Variants in CTNNA3 observed in about 807,000 individuals in gnomAD.
CTNNA3 encodes the protein catenin alpha 3.
A neutral mutation model predicts 95.7 loss-of-function variants in CTNNA3; 76 were observed. The ratio of observed to expected loss-of-function variants is 0.79; its 90% CI spans 0.66 to 0.96. The LOEUF (loss-of-function observed/expected upper bound fraction) is 0.96, where lower values mean the gene tolerates loss of function less well. Among genes scored for constraint, CTNNA3 ranks in the 40% least tolerant of loss-of-function variants. The probability of loss-of-function intolerance (pLI) is 0.00; values close to 1 mark genes in which losing one functional copy is unlikely to be tolerated. For missense variants in CTNNA3, 1,191 were observed against 1,089.8 expected (o/e 1.09, Z -1.31); for synonymous variants, 431 against 374.4 (o/e 1.15, Z -1.74).
intron 9 of CTNNA3, among the ~76,000 whole-genome samples, chr10:66,651,324 G>A (rs772966464): frequency 6.6e-6 from 1 of 152,092 alleles, no homozygotes; most frequent in Non-Finnish European, 1.5e-5. Context: ...AGTGCTGATT[G>A]GGTGCATATA....
intron 15 of CTNNA3, among the ~76,000 whole-genome samples, chr10:66,012,616 C>A (rs955667351): frequency 6.6e-6 from 1 of 152,122 alleles, no homozygotes; most frequent in Non-Finnish European, 1.5e-5. Context: ...TTCACAATCA[C>A]AAATGCCTTT....
chr10:67,649,426 C>A (rs1589532840), intron 1 of CTNNA3, among the ~76,000 whole-genome samples: 1 of 152,112 alleles, frequency 6.6e-6, no homozygotes, highest in African/African-American at 2.4e-5. Context: ...AAAAGGAGTG[C>A]TTTTTAGCCA....
At chr10:67,690,400 T>C (rs1295336115) in intron 1 of CTNNA3, among the ~76,000 whole-genome samples, 1 of 152,218 alleles carries the variant, frequency 6.6e-6, no homozygotes, top group African/African-American at 2.4e-5. Context: ...AGGTTGCCAC[T>C]GCTGGCTCAG....
intron 1 of CTNNA3, among the ~76,000 whole-genome samples, chr10:67,739,302 A>T (rs1841321351): frequency 6.6e-6 from 1 of 152,202 alleles, no homozygotes; most frequent in Non-Finnish European, 1.5e-5. Context: ...AAGAATTTTT[A>T]CCAGGGCAAT....
In CTNNA3 at chr10:67,156,029, T is replaced by C. The variant is rs144695419; in HGVS notation, c.1047+24288A>G. Among the ~76,000 whole-genome samples the C allele has an allele frequency of 1.7e-3, 263 of 152,290 alleles. 4 individuals carry two copies. In the East Asian group the frequency reaches 0.03, roughly 17 times the overall value. ...TCATGATTCATTCTTGGCTAAGTTG[T>C]ATGTTTCTAGACATTCAGCCATTTC... On this transcript the variant is annotated intron_variant, in intron 7 of 17. Transcript: ENST00000433211.
At chr10:67,726,281 A>ATTACATATTATATATGATATTCTC (rs1841215131) in intron 1 of CTNNA3, among the ~76,000 whole-genome samples, 1 of 92,876 alleles carries the variant, frequency 1.1e-5, no homozygotes, top group African/African-American at 5.0e-5. Flanking sequence ...TATATATTAT[A>ATTACATATTATATATGATATTCTC]TTACATATTA....
chr10:67,646,547 T>C (rs1230009182), intron 2 of CTNNA3, among the ~76,000 whole-genome samples: 1 of 152,034 alleles, frequency 6.6e-6, no homozygotes, highest in African/African-American at 2.4e-5. Flanking sequence ...CTTGTAAAAA[T>C]ATATACAAAG....
chr10:66,157,554 TTATC>T (rs2084607448), intron 13 of CTNNA3, among the ~76,000 whole-genome samples: 1 of 151,954 alleles, frequency 6.6e-6, no homozygotes, highest in African/African-American at 2.4e-5. Flanking sequence ...CACACTTTCT[TTATC>T]CATTCATTGA....
intron 7 of CTNNA3, among the ~76,000 whole-genome samples, chr10:66,889,592 G>C (rs1014297938): frequency 3.3e-5 from 5 of 152,188 alleles, no homozygotes; most frequent in Admixed American, 2.6e-4. Flanking sequence ...TGGATTGTAT[G>C]TGTAGGGTAG....
chr10:67,690,110 G>C (rs1264139512), intron 1 of CTNNA3, among the ~76,000 whole-genome samples: 1 of 152,142 alleles, frequency 6.6e-6, no homozygotes, highest in Admixed American at 6.5e-5. Flanking sequence ...TATGTGTCCG[G>C]AGTTACTCCC....
intron 7 of CTNNA3, among the ~76,000 whole-genome samples, chr10:67,010,529 G>A (rs1852252114): frequency 6.6e-6 from 1 of 152,136 alleles, no homozygotes; most frequent in Non-Finnish European, 1.5e-5. Flanking sequence ...TATTAGATCT[G>A]TGCTCAAGGC....
chr10:66,623,408 C>A lies in CTNNA3; in HGVS notation c.1282-1624G>T, dbSNP rs180970252. Reference sequence around the variant, plus strand: ...CTTATATTTACTGTATCCTCATTTTCTTCTTTTTCCTTTTGAAAGTATACA... The same window carrying A: ...CTTATATTTACTGTATCCTCATTTTATTCTTTTTCCTTTTGAAAGTATACA... On this transcript the variant is annotated intron_variant, in intron 9 of 17. Transcript: ENST00000433211. Among the ~76,000 whole-genome samples the A allele has an allele frequency of 3.7e-3, 567 of 151,908 alleles. 4 individuals carry two copies. Among genetic ancestry groups the A allele is most frequent in the African/African-American group, 0.013 (552 of 41,472 alleles).
intron 11 of CTNNA3, among the ~76,000 whole-genome samples, chr10:66,429,623 A>C (rs2093276581): frequency 6.6e-6 from 1 of 152,224 alleles, no homozygotes; most frequent in Non-Finnish European, 1.5e-5. Flanking sequence ...AATGTAATCC[A>C]GCACATAAAC....
intron 1 of CTNNA3, among the ~76,000 whole-genome samples, chr10:67,721,496 T>C (rs1294287644): frequency 6.6e-6 from 1 of 152,210 alleles, no homozygotes; most frequent in Non-Finnish European, 1.5e-5. Flanking sequence ...TGCTGTGTTT[T>C]TCAGCTCCAT....
At chr10:65,920,674 G>C (rs1322068133) in intron 17 of CTNNA3, 57 bp from the exon 18 acceptor site, 3 of 1,557,010 alleles carry the variant, frequency 1.9e-6, no homozygotes, top group Non-Finnish European at 2.6e-6. Flanking sequence ...GTTAATTATT[G>C]CCAAGCGTGG....
At chr10:66,916,710 A>G (rs1240892154) in intron 7 of CTNNA3, among the ~76,000 whole-genome samples, 1 of 152,222 alleles carries the variant, frequency 6.6e-6, no homozygotes, top group Non-Finnish European at 1.5e-5. Flanking sequence ...TGGAAATGAA[A>G]GAAAATCAGT....
intron 10 of CTNNA3, among the ~76,000 whole-genome samples, chr10:66,555,203 A>G (rs111746220): frequency 6.0e-4 from 91 of 152,252 alleles, no homozygotes; most frequent in Middle Eastern, 3.4e-3. Context: ...GTCCCAGCCA[A>G]AAAACAAAAC....
chr10:67,729,840 AT>A (rs1185749962), intron 1 of CTNNA3, among the ~76,000 whole-genome samples: 73 of 152,288 alleles, frequency 4.8e-4, no homozygotes, highest in African/African-American at 1.6e-3. Context: ...AAAATAATTA[AT>A]TTTATGGTTA....
intron 5 of CTNNA3, among the ~76,000 whole-genome samples, chr10:67,295,807 T>C (rs1261949587): frequency 1.3e-5 from 2 of 152,220 alleles, no homozygotes. Flanking sequence ...GACACACACC[T>C]GTGATGCAAA....
Sources: allele counts gnomAD v4.1 joint callset (sites outside exome capture counted in the v4.1 genomes callset), GRCh38; gene constraint gnomAD v4.1.1; transcripts MANE v1.5; gene names NCBI Gene and HGNC (gene_info 2026-07-23, HGNC 2026-07-21).